Variants in RAD51B observed in about 807,000 individuals in gnomAD.
RAD51B encodes RAD51 paralog B.
In RAD51B, 38 loss-of-function variants were observed where a neutral mutation model predicts 42.2. The ratio of observed to expected loss-of-function variants is 0.90; its 90% CI spans 0.70 to 1.18. The LOEUF (loss-of-function observed/expected upper bound fraction) is 1.18, where lower values mean the gene tolerates loss of function less well. Ranked by LOEUF, RAD51B falls within the 50% of genes most tolerant of loss-of-function variation. The pLI, the probability that RAD51B is intolerant of heterozygous loss-of-function variation, is 0.00. For synonymous variants in RAD51B, 154 were observed against 145.2 expected (o/e 1.06, Z -0.43); for missense variants, 373 against 400.7 (o/e 0.93, Z 0.59).
intron 7 of RAD51B, among the ~76,000 whole-genome samples, chr14:68,252,067 G>A (rs537144687): frequency 3.3e-5 from 5 of 152,280 alleles, no homozygotes; most frequent in Admixed American, 2.0e-4. Flanking sequence ...TTTCTAAAGG[G>A]TCTTTTGCAA....
intron 10 of RAD51B, chr14:68,562,761 C>G (rs1231029990): frequency 2.0e-6 from 2 of 985,232 alleles, no homozygotes; most frequent in Admixed American, 6.2e-5. Context: ...CAGGGCATAT[C>G]TAAAAGATGC....
chr14:67,967,074 C>T (rs1032377886), intron 7 of RAD51B, among the ~76,000 whole-genome samples: 3 of 152,136 alleles, frequency 2.0e-5, no homozygotes, highest in Admixed American at 1.3e-4. Context: ...GCGAAAGGCA[C>T]TTCTTCCATG....
chr14:68,380,377 A>C (rs1270635919), intron 8 of RAD51B, among the ~76,000 whole-genome samples: 1 of 152,224 alleles, frequency 6.6e-6, no homozygotes, highest in Non-Finnish European at 1.5e-5. Flanking sequence ...ATGGTCTCAG[A>C]ATGACATCTC....
intron 10 of RAD51B, chr14:68,562,666 A>G: frequency 1.0e-6 from 1 of 985,410 alleles, no homozygotes; most frequent in South Asian, 4.7e-5. Flanking sequence ...GAGAGTTGCT[A>G]TAGTGTTATG....
At chr14:68,414,984 A>T (rs1411280738) in intron 9 of RAD51B, among the ~76,000 whole-genome samples, 1 of 125,896 alleles carries the variant, frequency 7.9e-6, no homozygotes, top group Non-Finnish European at 1.6e-5. Context: ...GTGAGTAGAG[A>T]GTGTGCCACT....
chr14:68,434,568 G>A (rs1406674558), intron 9 of RAD51B, among the ~76,000 whole-genome samples: 1 of 152,236 alleles, frequency 6.6e-6, no homozygotes, highest in Non-Finnish European at 1.5e-5. Context: ...ATCTCCTGGT[G>A]TGTCATTTGC....
chr14:68,095,061 C>T (rs2140529742), intron 7 of RAD51B, among the ~76,000 whole-genome samples: 1 of 152,202 alleles, frequency 6.6e-6, no homozygotes, highest in Middle Eastern at 3.4e-3. Context: ...TTTTATGTTG[C>T]TTGTGAAATT....
chr14:67,965,919 C>T (rs2074767484), intron 7 of RAD51B, among the ~76,000 whole-genome samples: 1 of 152,000 alleles, frequency 6.6e-6, no homozygotes. Flanking sequence ...TAGTGGCTGC[C>T]GACTAGTTTC....
At chr14:68,333,197 G>T (rs2082382900) in intron 8 of RAD51B, among the ~76,000 whole-genome samples, 2 of 152,106 alleles carry the variant, frequency 1.3e-5, no homozygotes, top group African/African-American at 4.8e-5. Flanking sequence ...GGACCTTCTA[G>T]CCTTAATCAT....
chr14:68,037,596 G>A (rs2076154297), intron 7 of RAD51B, among the ~76,000 whole-genome samples: 1 of 152,116 alleles, frequency 6.6e-6, no homozygotes, highest in African/African-American at 2.4e-5. Flanking sequence ...AGAAGAAACA[G>A]TTGAACTATT....
chr14:68,594,363 T>C (rs1890892340), intron 10 of RAD51B: 1 of 918,782 alleles, frequency 1.1e-6, no homozygotes, highest in Admixed American at 2.6e-5. Context: ...TACATTCCTA[T>C]GCCATACCCC....
chr14:67,883,713 A>G (rs2042985027), intron 5 of RAD51B, among the ~76,000 whole-genome samples: 1 of 152,016 alleles, frequency 6.6e-6, no homozygotes, highest in Non-Finnish European at 1.5e-5. Flanking sequence ...CTCATATATA[A>G]TATATATTTA....
intron 4 of RAD51B, among the ~76,000 whole-genome samples, chr14:67,853,766 T>C (rs2041897354): frequency 6.6e-6 from 1 of 152,232 alleles, no homozygotes; most frequent in Non-Finnish European, 1.5e-5. Context: ...AGTTTCTCTT[T>C]CCTGACTTTA....
intron 10 of RAD51B, among the ~76,000 whole-genome samples, chr14:68,586,480 A>G (rs8008333): frequency 0.25 from 37,686 of 152,090 alleles, 4,747 homozygotes; most frequent in East Asian, 0.29. Context: ...AAGGTGTCCA[A>G]TGAGTTCTAA....
At chr14:67,990,657 T>G (rs967602768) in intron 7 of RAD51B, among the ~76,000 whole-genome samples, 5 of 152,236 alleles carry the variant, frequency 3.3e-5, no homozygotes, top group Admixed American at 6.5e-5. Context: ...ATACAATTAT[T>G]GGTTATGACT....
intron 7 of RAD51B, among the ~76,000 whole-genome samples, chr14:68,115,542 T>TAA (rs368351598): frequency 7.6e-4 from 52 of 67,992 alleles, no homozygotes; most frequent in Admixed American, 6.9e-3. Flanking sequence ...ACTTAAAGTA[T>TAA]AAAAAAAAAA....
chr14:68,657,206 T>C (rs1030452132), intron 11 of RAD51B, among the ~76,000 whole-genome samples: 9 of 152,162 alleles, frequency 5.9e-5, no homozygotes, highest in Non-Finnish European at 1.2e-4. Context: ...TATTGGACAT[T>C]GTAGGTCTCG....
intron 10 of RAD51B, among the ~76,000 whole-genome samples, chr14:68,521,007 G>A (rs1042766666): frequency 1.1e-4 from 17 of 152,096 alleles, no homozygotes; most frequent in Non-Finnish European, 1.9e-4. Context: ...CACATGGAGC[G>A]TTTTGTTTGA....
At chr14:67,863,821 T>G (rs1165251107) in intron 4 of RAD51B, among the ~76,000 whole-genome samples, 1 of 152,208 alleles carries the variant, frequency 6.6e-6, no homozygotes, top group East Asian at 1.9e-4. Context: ...CTCACATTGC[T>G]ATAAAGAACT....
Sources: allele counts gnomAD v4.1 joint callset (sites outside exome capture counted in the v4.1 genomes callset), GRCh38; gene constraint gnomAD v4.1.1; transcripts MANE v1.5; gene names NCBI Gene and HGNC (gene_info 2026-07-23, HGNC 2026-07-21).